TJP1: variants seen among roughly 807,000 people sequenced by gnomAD.
TJP1 encodes tight junction protein ZO-1.
A neutral mutation model predicts 194.2 loss-of-function variants in TJP1; 43 were observed. That is an observed-to-expected ratio of 0.22 (90% CI 0.17 to 0.29). The LOEUF (loss-of-function observed/expected upper bound fraction) is 0.29, where lower values mean the gene tolerates loss of function less well. Among genes scored for constraint, TJP1 ranks in the 10% least tolerant of loss-of-function variants. The pLI is 1.00. For synonymous variants in TJP1, 801 were observed against 779.0 expected (o/e 1.03, Z -0.47); for missense variants, 1,971 against 2,185.7 (o/e 0.90, Z 1.96).
intron 2 of TJP1, among the ~76,000 whole-genome samples, chr15:29,935,198 T>C (rs1396463341): frequency 2.0e-5 from 3 of 152,254 alleles, no homozygotes; most frequent in Non-Finnish European, 4.4e-5. Flanking sequence ...TTCAACTCTT[T>C]GATCAGTTCA....
intron 2 of TJP1, among the ~76,000 whole-genome samples, chr15:29,949,961 T>A (rs183418160): frequency 1.8e-3 from 17 of 9,284 alleles, no homozygotes; most frequent in Admixed American, 2.9e-3. Flanking sequence ...CACCACCACC[T>A]CCACCACAAC....
intron 1 of TJP1, among the ~76,000 whole-genome samples, chr15:29,806,559 G>C (rs1197494857): frequency 6.6e-6 from 1 of 152,192 alleles, no homozygotes; most frequent in Non-Finnish European, 1.5e-5. Flanking sequence ...CTGCTACACT[G>C]AACGGCTTCT....
chr15:29,749,161 T>G (rs1167508064), intron 8 of TJP1, among the ~76,000 whole-genome samples: 1 of 151,862 alleles, frequency 6.6e-6, no homozygotes, highest in East Asian at 1.9e-4. Flanking sequence ...TTTTTTTTTT[T>G]GTATTAACTT....
At chr15:29,860,502 T>G (rs1021275412) in intron 2 of TJP1, among the ~76,000 whole-genome samples, 5 of 152,216 alleles carry the variant, frequency 3.3e-5, no homozygotes, top group African/African-American at 4.8e-5. Context: ...TCTGAACATT[T>G]CATATAAATG....
intron 18 of TJP1, among the ~76,000 whole-genome samples, chr15:29,723,342 A>T (rs947427277): frequency 5.3e-5 from 8 of 152,114 alleles, no homozygotes; most frequent in East Asian, 1.9e-4. Flanking sequence ...CTATTTTGTG[A>T]TAAGAGTTCT....
At chr15:29,736,883 G>T (rs1038013429) in intron 11 of TJP1, among the ~76,000 whole-genome samples, 1 of 152,204 alleles carries the variant, frequency 6.6e-6, no homozygotes, top group Non-Finnish European at 1.5e-5. Context: ...ACTTGATGTT[G>T]CTTGCTGCCA....
intron 1 of TJP1, chr15:29,968,320 C>A (rs1305259706): frequency 1.0e-6 from 1 of 984,530 alleles, no homozygotes; most frequent in Non-Finnish European, 1.2e-6. Flanking sequence ...AAATTCTGAG[C>A]CAGAACCCGC....
chr15:29,908,824 G>C (rs1240557614), intron 2 of TJP1, among the ~76,000 whole-genome samples: 1 of 152,042 alleles, frequency 6.6e-6, no homozygotes, highest in African/African-American at 2.4e-5. Context: ...TTCAAGACCA[G>C]CCTGGCCAAC....
chr15:29,963,854 A>G (rs2056245383), intron 1 of TJP1, among the ~76,000 whole-genome samples: 1 of 152,058 alleles, frequency 6.6e-6, no homozygotes, highest in South Asian at 2.1e-4. Context: ...GGGTTTCACC[A>G]TGTTGGCCAG....
chr15:29,826,075 TTA>T (rs1299614779), upstream of TJP1, among the ~76,000 whole-genome samples: 1 of 151,882 alleles, frequency 6.6e-6, no homozygotes, highest in Non-Finnish European at 1.5e-5. Flanking sequence ...ATGGCAAATT[TTA>T]TATTATGTAC....
In TJP1 at chr15:29,709,001, C is replaced by G; in HGVS notation, c.4408G>C (p.Val1470Leu). 6.2e-7 allele frequency: 1 copy of G among 1,612,162 alleles called. No homozygotes were observed. Among genetic ancestry groups the G allele is most frequent in the Non-Finnish European group, 8.5e-7 (1 of 1,179,220 alleles). Residue 1470 changes from valine to leucine, a missense_variant, in exon 25 of 28, where the codon GTG becomes CTG. Transcript: ENST00000614355. ...SVSLDFQNSL[V>L]SKPDPPPSQN... ...GATGGAGGTGGGTCTGGTTTGGACA[C>G]TAAGGAATTCTGAAAATCCAATGAC...
At chr15:29,793,662 A>G (rs764988258) in intron 2 of TJP1, among the ~76,000 whole-genome samples, 2 of 152,136 alleles carry the variant, frequency 1.3e-5, no homozygotes, top group Admixed American at 1.3e-4. Context: ...AGAACTCACT[A>G]ACTATATAGT....
chr15:29,822,546 CGGG>C (rs1567105127), upstream of TJP1: 75 of 542,232 alleles, frequency 1.4e-4, no homozygotes, highest in Non-Finnish European at 1.7e-4. Context: ...CGAGGCGAGG[CGGG>C]GAGGGGGCGG....
intron 1 of TJP1, 29 bp downstream of exon 1, chr15:29,821,973 C>T (rs2050405855): frequency 5.5e-6 from 7 of 1,278,746 alleles, no homozygotes; most frequent in Middle Eastern, 5.1e-4. Context: ...TCGGCCCGGT[C>T]TGGCCCTGGC....
chr15:29,704,635 T>A (rs969610002), intron 26 of TJP1, among the ~76,000 whole-genome samples: 3 of 152,246 alleles, frequency 2.0e-5, no homozygotes, highest in African/African-American at 7.2e-5. Context: ...ATTTCCAGCA[T>A]CTTTCAATCC....
rs2045992457 is a variant in TJP1, at chr15:29,761,293, A to AT, written c.863-8dup. ...GACTGAATTTCTGAAATGTCTGTTAATAAAAGGGTGCTACTTATTTTCCCA... is the reference window on the plus strand; with the variant it reads ...GACTGAATTTCTGAAATGTCTGTTAATTAAAAGGGTGCTACTTATTTTCCCA... On this transcript the variant is annotated splice_region_variant and splice_polypyrimidine_tract_variant and intron_variant, in intron 7 of 27. Transcript: ENST00000614355. 1 of 1,613,806 alleles carries AT rather than the reference A, an allele frequency of 6.2e-7. No individual in the cohort carries two copies. Among genetic ancestry groups the AT allele is most frequent in the Non-Finnish European group, 8.5e-7 (1 of 1,179,940 alleles).
At chr15:29,913,408 G>T (rs1342266649) in intron 2 of TJP1, among the ~76,000 whole-genome samples, 1 of 152,170 alleles carries the variant, frequency 6.6e-6, no homozygotes, top group East Asian at 1.9e-4. Flanking sequence ...TCTTAATTGG[G>T]GTCTGTGAAT....
At chr15:29,903,392 T>C (rs2053694771) in intron 2 of TJP1, among the ~76,000 whole-genome samples, 1 of 152,142 alleles carries the variant, frequency 6.6e-6, no homozygotes, top group South Asian at 2.1e-4. Context: ...TAAAGCCCAA[T>C]GCACTGAGAA....
At chr15:29,820,018 C>T (rs1042272977) in intron 1 of TJP1, among the ~76,000 whole-genome samples, 7 of 152,158 alleles carry the variant, frequency 4.6e-5, no homozygotes, top group Non-Finnish European at 2.9e-5. Flanking sequence ...CAAAGATAAT[C>T]TAAACAGCAG....
Sources: gnomAD v4.1 joint callset for allele counts (sites outside exome capture counted in the v4.1 genomes callset) on GRCh38, gnomAD v4.1.1 for gene constraint, MANE v1.5 for transcripts, NCBI Gene and HGNC (gene_info 2026-07-23, HGNC 2026-07-21) for gene names.